Variants in CDC42BPA observed in about 807,000 individuals in gnomAD.
The protein encoded by CDC42BPA is serine/threonine-protein kinase MRCK alpha.
Under a neutral mutation model 223.5 loss-of-function variants are expected in CDC42BPA, and 80 were observed. The observed-to-expected ratio is 0.36, with a 90% CI of 0.30 to 0.43. The LOEUF (loss-of-function observed/expected upper bound fraction) is 0.43. CDC42BPA is among the 20% of genes least tolerant of loss of function. The pLI, the probability that CDC42BPA is intolerant of heterozygous loss-of-function variation, is 1.00. For synonymous variants in CDC42BPA, 694 were observed against 718.6 expected (o/e 0.97, Z 0.55); for missense variants, 1,743 against 2,099.9 (o/e 0.83, Z 3.32).
intron 34 of CDC42BPA, among the ~76,000 whole-genome samples, chr1:227,009,361 T>C (rs942227825): frequency 6.6e-5 from 10 of 152,174 alleles, no homozygotes; most frequent in African/African-American, 2.2e-4. Flanking sequence ...TTTCTAGTTA[T>C]AGATGACTAA....
chr1:227,161,742 C>A (rs1428766502), intron 5 of CDC42BPA, among the ~76,000 whole-genome samples: 1 of 152,160 alleles, frequency 6.6e-6, no homozygotes, highest in Non-Finnish European at 1.5e-5. Flanking sequence ...TTTCACACTA[C>A]AAAGGCAAAG....
intron 1 of CDC42BPA, among the ~76,000 whole-genome samples, chr1:227,271,711 A>G (rs1348472647): frequency 6.6e-6 from 1 of 152,184 alleles, no homozygotes; most frequent in Non-Finnish European, 1.5e-5. Flanking sequence ...AAAAGTCTTC[A>G]GTATTCATTT....
chr1:227,249,759 C>T (rs1681633028), intron 2 of CDC42BPA, among the ~76,000 whole-genome samples: 1 of 152,106 alleles, frequency 6.6e-6, no homozygotes, highest in African/African-American at 2.4e-5. Context: ...TATCATCTCA[C>T]CCCAGTTAAA....
chr1:227,025,891 C>T (rs1025842978), intron 31 of CDC42BPA, among the ~76,000 whole-genome samples, 164 bp downstream of exon 31: 3 of 151,886 alleles, frequency 2.0e-5, no homozygotes, highest in Non-Finnish European at 4.4e-5. Flanking sequence ...AGGAAATTAA[C>T]CAACTTTATT....
At chr1:227,130,358 G>C (rs1047404914) in intron 10 of CDC42BPA, among the ~76,000 whole-genome samples, 1 of 151,796 alleles carries the variant, frequency 6.6e-6, no homozygotes, top group African/African-American at 2.4e-5. Context: ...TTGAATTAAA[G>C]GTATAAGATA....
intron 5 of CDC42BPA, among the ~76,000 whole-genome samples, chr1:227,193,107 C>T (rs1670007096): frequency 7.8e-6 from 1 of 127,608 alleles, no homozygotes; most frequent in Admixed American, 9.3e-5. Flanking sequence ...CTCGCTCTGT[C>T]ACCCAGGCTG....
At chr1:227,066,053 T>C (rs1352709145) in intron 21 of CDC42BPA, among the ~76,000 whole-genome samples, 2 of 152,116 alleles carry the variant, frequency 1.3e-5, no homozygotes, top group Non-Finnish European at 2.9e-5. Context: ...ACAATATAAC[T>C]AGATTTGGCA....
At chr1:227,261,259 G>C (rs983796578) in intron 1 of CDC42BPA, among the ~76,000 whole-genome samples, 1 of 150,210 alleles carries the variant, frequency 6.7e-6, no homozygotes, top group Admixed American at 6.6e-5. Flanking sequence ...GTAATTACAG[G>C]TGCGTGCCAC....
chr1:227,272,599 G>T (rs779924006), intron 1 of CDC42BPA, among the ~76,000 whole-genome samples: 31 of 152,082 alleles, frequency 2.0e-4, no homozygotes, highest in Admixed American at 4.6e-4. Flanking sequence ...AGGTGTTTTT[G>T]ATTTTAGATT....
At chr1:227,253,634 ACATACATACATACATT>A (rs879548671) in intron 2 of CDC42BPA, among the ~76,000 whole-genome samples, 12,996 of 151,242 alleles carry the variant, frequency 0.086, 772 homozygotes, top group Middle Eastern at 0.16. Flanking sequence ...ATACATACAT[ACATACATACATACATT>A]CATACATAAA....
At chr1:227,232,832 T>TG (rs1678265214) in intron 2 of CDC42BPA, among the ~76,000 whole-genome samples, 1 of 152,028 alleles carries the variant, frequency 6.6e-6, no homozygotes, top group African/African-American at 2.4e-5. Flanking sequence ...TACTGGGAGG[T>TG]GTCTCCCAGT....
intron 21 of CDC42BPA, among the ~76,000 whole-genome samples, chr1:227,057,123 G>A (rs1257154095): frequency 6.6e-6 from 1 of 152,090 alleles, no homozygotes; most frequent in Non-Finnish European, 1.5e-5. Context: ...AACTCTAAAT[G>A]AACAATCTGA....
At chr1:227,292,765 C>G (rs1689909785) in intron 1 of CDC42BPA, among the ~76,000 whole-genome samples, 1 of 152,174 alleles carries the variant, frequency 6.6e-6, no homozygotes, top group Non-Finnish European at 1.5e-5. Context: ...TATACAATAG[C>G]TAGCACAAGG....
intron 23 of CDC42BPA, among the ~76,000 whole-genome samples, chr1:227,040,612 G>C (rs1671180314): frequency 6.6e-6 from 1 of 152,030 alleles, no homozygotes; most frequent in Admixed American, 6.6e-5. Context: ...TACAAATATA[G>C]GATTTTAATA....
intron 1 of CDC42BPA, among the ~76,000 whole-genome samples, chr1:227,312,661 T>C (rs1435490515): frequency 6.6e-6 from 1 of 152,080 alleles, no homozygotes; most frequent in Non-Finnish European, 1.5e-5. Context: ...AAGACCAGCC[T>C]AGGTAACACA....
intron 9 of CDC42BPA, 59 bp downstream of exon 9, chr1:227,142,886 G>A: frequency 8.5e-7 from 1 of 1,170,550 alleles, no homozygotes; most frequent in East Asian, 2.9e-5. Flanking sequence ...CCAAAGTGTT[G>A]GGATTACAGG....
At chr1:227,307,347 A>T (rs1414444664) in intron 1 of CDC42BPA, among the ~76,000 whole-genome samples, 1 of 152,196 alleles carries the variant, frequency 6.6e-6, no homozygotes, top group Non-Finnish European at 1.5e-5. Flanking sequence ...ATAAATTGTG[A>T]CAATTTATGT....
chr1:227,048,047 A>G, intron 22 of CDC42BPA, 37 bp from the exon 23 acceptor site: 1 of 1,230,994 alleles, frequency 8.1e-7, no homozygotes, highest in Non-Finnish European at 1.2e-6. Context: ...AAATGTCATG[A>G]AACACTCCAT....
At chr1:227,135,034 G>A (rs1259305450) in intron 10 of CDC42BPA, among the ~76,000 whole-genome samples, 4 of 152,186 alleles carry the variant, frequency 2.6e-5, no homozygotes, top group Non-Finnish European at 5.9e-5. Context: ...GTGAGCCAGG[G>A]AAGTGAGGCA....
Sources: gnomAD v4.1 joint callset for allele counts (sites outside exome capture counted in the v4.1 genomes callset) on GRCh38, gnomAD v4.1.1 for gene constraint, MANE v1.5 for transcripts, NCBI Gene and HGNC (gene_info 2026-07-23, HGNC 2026-07-21) for gene names.